The following CDH12 variants were observed in gnomAD, a reference collection of about 807,000 sequenced individuals.
The protein encoded by CDH12 is cadherin-12.
Under a neutral mutation model 74.1 loss-of-function variants are expected in CDH12, and 41 were observed. The observed-to-expected ratio is 0.55, with a 90% CI of 0.43 to 0.72. The LOEUF (loss-of-function observed/expected upper bound fraction) is 0.72. CDH12 is among the 30% of genes least tolerant of loss of function. The pLI is 0.00. For missense variants in CDH12, 945 were observed against 977.2 expected (o/e 0.97, Z 0.44); for synonymous variants, 399 against 355.0 (o/e 1.12, Z -1.39).
chr5:22,077,972 G>A (rs575940986), intron 5 of CDH12, among the ~76,000 whole-genome samples: 4 of 152,082 alleles, frequency 2.6e-5, no homozygotes, highest in South Asian at 2.1e-4. Context: ...ACATTTTAAC[G>A]GGAAAGGAGA....
chr5:22,291,248 C>T (rs186381269), intron 3 of CDH12, among the ~76,000 whole-genome samples: 140 of 151,994 alleles, frequency 9.2e-4, no homozygotes, highest in Non-Finnish European at 1.3e-4. Context: ...TATGACAAAC[C>T]CACAGCTAAT....
chr5:22,512,473 A>G (rs1736653510), intron 1 of CDH12, among the ~76,000 whole-genome samples: 1 of 152,150 alleles, frequency 6.6e-6, no homozygotes, highest in Admixed American at 6.5e-5. Context: ...CTTCAACAAG[A>G]CCCAGGGCAC....
In CDH12 at chr5:22,704,260, G is replaced by C. The variant is rs919102465; in HGVS notation, c.-523+148798C>G. Among the ~76,000 whole-genome samples the C allele has an allele frequency of 2.0e-5, 3 of 152,116 alleles. No homozygotes were observed. The East Asian group carries it at 5.8e-4, about 29-fold the overall frequency. ...GCAGCAGGAGAAGCTGGAGAGAGAG[G>C]ATGCTAAGATGTGTAGAGCAGTGGG... On this transcript the variant is annotated intron_variant, in intron 1 of 14. Transcript: ENST00000382254.
chr5:22,798,915 G>T (rs544263898), intron 1 of CDH12, among the ~76,000 whole-genome samples: 2 of 152,176 alleles, frequency 1.3e-5, no homozygotes, highest in African/African-American at 2.4e-5. Context: ...AGGAGTTTGA[G>T]ATCAGCCTGG....
chr5:22,280,325 G>C (rs1225854592), intron 3 of CDH12, among the ~76,000 whole-genome samples: 7 of 152,178 alleles, frequency 4.6e-5, no homozygotes, highest in African/African-American at 1.4e-4. Context: ...AGAGAAGCAA[G>C]AGCAAACACA....
At chr5:21,946,807 AG>A (rs1389461882) in intron 6 of CDH12, among the ~76,000 whole-genome samples, 1 of 152,214 alleles carries the variant, frequency 6.6e-6, no homozygotes, top group Admixed American at 6.5e-5. Context: ...CTGCATTGCC[AG>A]TTATAAAAAA....
intron 3 of CDH12, among the ~76,000 whole-genome samples, chr5:22,355,342 G>C (rs1208385249): frequency 1.3e-5 from 2 of 151,802 alleles, no homozygotes; most frequent in Non-Finnish European, 2.9e-5. Context: ...TACTTTTCAT[G>C]AACCAAAATT....
In CDH12 at chr5:21,752,210, G is replaced by T; in HGVS notation, c.1912C>A (p.Arg638=). The change falls in exon 15 of 15, where the codon CGA becomes AGA. Residue 638 remains arginine, a synonymous_variant. Coordinates refer to ENST00000382254, the MANE Select transcript of CDH12 (RefSeq NM_004061.5). ...LAIVVLYVAL[R]RQKKKDTLMT... ...AGGGTGTCTTTTTTCTTCTGCCTTC[G>T]CAGTGCTACATACAGTACAACTATG... The T allele has an allele frequency of 1.9e-6, 3 of 1,613,314 alleles. No individual in the cohort carries two copies. The highest frequency in any genetic ancestry group is 1.7e-6 in the Non-Finnish European group (2 of 1,179,728).
chr5:22,545,132 A>C (rs1580751256), intron 1 of CDH12, among the ~76,000 whole-genome samples: 1 of 152,214 alleles, frequency 6.6e-6, no homozygotes, highest in South Asian at 2.1e-4. Flanking sequence ...AGAGAAGGAC[A>C]GTTTCCTAAA....
intron 4 of CDH12, among the ~76,000 whole-genome samples, chr5:22,172,033 G>C (rs1749062292): frequency 6.6e-6 from 1 of 151,886 alleles, no homozygotes; most frequent in Non-Finnish European, 1.5e-5. Context: ...TAAGTTCATT[G>C]TGATTTTGAA....
At chr5:22,294,758 T>G (rs1737551418) in intron 3 of CDH12, among the ~76,000 whole-genome samples, 1 of 152,208 alleles carries the variant, frequency 6.6e-6, no homozygotes, top group Admixed American at 6.5e-5. Context: ...TGACTAAACC[T>G]TAGACAGGTT....
chr5:21,838,199 T>A (rs1579807866), intron 8 of CDH12, among the ~76,000 whole-genome samples: 2 of 152,094 alleles, frequency 1.3e-5, no homozygotes, highest in African/African-American at 4.8e-5. Context: ...GATCTTAGAG[T>A]ATTGATGTGA....
chr5:22,818,746 A>G (rs986521161), intron 1 of CDH12, among the ~76,000 whole-genome samples: 1 of 152,164 alleles, frequency 6.6e-6, no homozygotes, highest in Non-Finnish European at 1.5e-5. Context: ...ATCACAGGCA[A>G]TAGGTAAGTG....
intron 3 of CDH12, among the ~76,000 whole-genome samples, chr5:22,283,205 G>GATATAT (rs1229134274): frequency 4.1e-4 from 44 of 107,958 alleles, no homozygotes; most frequent in African/African-American, 1.4e-3. Flanking sequence ...ACATCTGTGA[G>GATATAT]ATATATATAT....
intron 1 of CDH12, among the ~76,000 whole-genome samples, chr5:22,528,326 A>G (rs981526808): frequency 6.6e-6 from 1 of 152,164 alleles, no homozygotes; most frequent in Non-Finnish European, 1.5e-5. Context: ...ATTGGCAAAG[A>G]AAACTCATGA....
intron 5 of CDH12, among the ~76,000 whole-genome samples, chr5:22,064,001 ACAC>A (rs1741380559): frequency 6.7e-6 from 1 of 149,970 alleles, no homozygotes; most frequent in African/African-American, 2.5e-5. Context: ...ACACACACAC[ACAC>A]ACACACACAC....
intron 1 of CDH12, among the ~76,000 whole-genome samples, chr5:22,666,006 A>G (rs1265287159): frequency 6.6e-6 from 1 of 152,054 alleles, no homozygotes; most frequent in Non-Finnish European, 1.5e-5. Context: ...TCTGCCTCAT[A>G]TATCCAATTG....
intron 7 of CDH12, among the ~76,000 whole-genome samples, chr5:21,842,576 C>G (rs1749933338): frequency 6.6e-6 from 1 of 152,026 alleles, no homozygotes; most frequent in Non-Finnish European, 1.5e-5. Flanking sequence ...AACAATGTAT[C>G]ACCTCTAAGA....
At position 21,755,666 on chromosome 5, in the gene CDH12, C is replaced by G; in HGVS notation, c.1810G>C (p.Glu604Gln). The G allele has an allele frequency of 6.2e-7, 1 of 1,614,046 alleles. No individual in the cohort carries two copies. The highest frequency in any genetic ancestry group is 8.5e-7 in the Non-Finnish European group (1 of 1,179,950). Reference protein sequence around the residue: ...SDGTILSCNVEAIFLPVGLST... With the variant: ...SDGTILSCNVQAIFLPVGLST... ...AGTCCTACAGGTAGAAAAATTGCTT[C>G]CACATTACAAGACAGGATGGTGCCA... Residue 604 changes from glutamate to glutamine, a missense_variant, in exon 14 of 15, where the codon GAA becomes CAA. Transcript: ENST00000382254.
Sources: allele counts gnomAD v4.1 joint callset (sites outside exome capture counted in the v4.1 genomes callset), GRCh38; gene constraint gnomAD v4.1.1; transcripts MANE v1.5; gene names NCBI Gene and HGNC (gene_info 2026-07-23, HGNC 2026-07-21).